ARMC2: variants seen among roughly 807,000 people sequenced by gnomAD.
The protein encoded by ARMC2 is armadillo repeat containing 2, also known as armadillo repeat-containing protein 2.
Under a neutral mutation model 90.3 loss-of-function variants are expected in ARMC2, and 67 were observed. That is an observed-to-expected ratio of 0.74 (90% confidence interval 0.61 to 0.91). The LOEUF (loss-of-function observed/expected upper bound fraction) is 0.91, where lower values mean the gene tolerates loss of function less well. Ranked by LOEUF, ARMC2 falls within the 40% of genes least tolerant of loss-of-function variation. The pLI is 0.00. For synonymous variants in ARMC2, 393 were observed against 393.0 expected, an observed-to-expected ratio of 1.00 and a Z score of 0.00; for missense variants, 920 against 1,030.9, an observed-to-expected ratio of 0.89 and a Z score of 1.47.
the ARMC2 span, chr6:108,998,456 T>C: frequency 6.3e-7 from 1 of 1,594,916 alleles, no homozygotes; most frequent in South Asian, 1.1e-5. Context: ...GAAGAAATAA[T>C]ATAACAGCAA....
chr6:108,932,422 A>G (rs772034387), intron 11 of ARMC2, among the ~76,000 whole-genome samples: 9 of 148,866 alleles, frequency 6.0e-5, no homozygotes, highest in Non-Finnish European at 1.3e-4. Context: ...ATTTTTGTAT[A>G]TAGTGAAAGG....
intron 13 of ARMC2, among the ~76,000 whole-genome samples, chr6:108,958,125 A>G (rs2128508700): frequency 6.6e-6 from 1 of 152,244 alleles, no homozygotes; most frequent in Middle Eastern, 3.4e-3. Context: ...GGAGATAATT[A>G]GGTTTAGATA....
the ARMC2 span, chr6:109,009,576 A>G: frequency 4.6e-6 from 5 of 1,094,910 alleles, no homozygotes; most frequent in Middle Eastern, 4.0e-4. Flanking sequence ...GGCGGCGCCG[A>G]CAAACAAGCC....
the ARMC2 span, among the ~76,000 whole-genome samples, chr6:109,045,880 T>C: frequency 1.3e-5 from 2 of 152,198 alleles, no homozygotes; most frequent in African/African-American, 4.8e-5. Context: ...TACATGTTTC[T>C]GAAATAAATA....
chr6:108,884,558 G>A (rs529019582), intron 5 of ARMC2, among the ~76,000 whole-genome samples: 246 of 152,308 alleles, frequency 1.6e-3, no homozygotes, highest in Admixed American at 3.9e-3. Context: ...TTTCGTGAGG[G>A]ATGGAGCACT....
chr6:108,961,538 G>A (rs1334319094), intron 13 of ARMC2, 34 bp from the exon 14 acceptor site: 21 of 1,558,758 alleles, frequency 1.3e-5, no homozygotes, highest in Non-Finnish European at 1.7e-5. Context: ...TCCTGCAGTG[G>A]GTCTTTGACT....
At chr6:108,988,370 C>T in the ARMC2 span, 1 of 522,250 alleles carries the variant, frequency 1.9e-6, no homozygotes, top group Admixed American at 3.9e-5. Context: ...TTCTTTTACT[C>T]TATCAACATA....
chr6:108,939,812 C>A (rs1476722340), intron 12 of ARMC2, among the ~76,000 whole-genome samples: 1 of 152,236 alleles, frequency 6.6e-6, no homozygotes, highest in Non-Finnish European at 1.5e-5. Context: ...ACTTTCATCA[C>A]TAAACTTAAT....
intron 1 of ARMC2, among the ~76,000 whole-genome samples, chr6:108,853,536 A>C (rs1774215285): frequency 6.6e-6 from 1 of 152,156 alleles, no homozygotes; most frequent in Admixed American, 6.5e-5. Flanking sequence ...ACATTTTAAA[A>C]ATCTGTCCTA....
At chr6:108,994,624 C>G in the ARMC2 span, 1 of 1,498,038 alleles carries the variant, frequency 6.7e-7, no homozygotes, top group Non-Finnish European at 9.0e-7. Context: ...AGAAAAAATA[C>G]AATTAATGTT....
chr6:109,048,107 A>T, the ARMC2 span, among the ~76,000 whole-genome samples: 1 of 121,694 alleles, frequency 8.2e-6, no homozygotes, highest in African/African-American at 2.7e-5. Context: ...AATAAATTAA[A>T]AAAAAAAAAA....
At chr6:108,905,930 A>G (rs937820322) in intron 8 of ARMC2, among the ~76,000 whole-genome samples, 5 of 152,222 alleles carry the variant, frequency 3.3e-5, no homozygotes, top group African/African-American at 1.2e-4. Flanking sequence ...ATCTCCTGTA[A>G]CATTCCAGAC....
intron 17 of ARMC2, among the ~76,000 whole-genome samples, chr6:108,966,661 G>A (rs1778397073): frequency 6.6e-6 from 1 of 151,898 alleles, no homozygotes; most frequent in African/African-American, 2.4e-5. Flanking sequence ...TTCACAGTCG[G>A]CTCCATGAGC....
chr6:108,875,856 G>C (rs966933005), intron 4 of ARMC2, among the ~76,000 whole-genome samples: 1 of 152,124 alleles, frequency 6.6e-6, no homozygotes, highest in Admixed American at 6.5e-5. Flanking sequence ...TACTTATGTG[G>C]ACTAGGTAGT....
the ARMC2 span, chr6:109,009,558 G>GGGGCGGGGCGGCGC: frequency 8.9e-7 from 1 of 1,126,566 alleles, no homozygotes; most frequent in Non-Finnish European, 1.1e-6. Flanking sequence ...CGGACGGCGG[G>GGGGCGGGGCGGCGC]GGGGCGGGGC....
the ARMC2 span, among the ~76,000 whole-genome samples, chr6:108,981,685 G>A: frequency 6.6e-6 from 1 of 150,968 alleles, no homozygotes; most frequent in African/African-American, 2.4e-5. Flanking sequence ...CCCTGAGACA[G>A]AGTCTTAGAA....
chr6:108,866,174 A>G (rs1337513029), intron 3 of ARMC2, among the ~76,000 whole-genome samples: 1 of 152,216 alleles, frequency 6.6e-6, no homozygotes, highest in African/African-American at 2.4e-5. Context: ...TTGAGTTAAG[A>G]AAACCACACG....
At chr6:108,924,109 G>A (rs186504244) in intron 10 of ARMC2, 1 of 152,466 alleles carries the variant, frequency 6.6e-6, no homozygotes, top group Non-Finnish European at 1.5e-5. Context: ...TCTGTGATGG[G>A]GGTTGTAGAG....
At position 108,893,439 on chromosome 6, in the gene ARMC2, G is replaced by GAC. The variant is rs540577833; in HGVS notation, c.672-1026_672-1025dup. ...ACCTTGGGCACATCTGGCCAGCTGGGACAGTTTCTTTATCTGCAGGGATCG... is the reference window on the plus strand; with the variant it reads ...ACCTTGGGCACATCTGGCCAGCTGGGACACAGTTTCTTTATCTGCAGGGATCG... On this transcript the variant is annotated intron_variant, in intron 5 of 17. Coordinates refer to ENST00000392644, the MANE Select transcript of ARMC2 (RefSeq NM_032131.6). 4.2e-3 allele frequency among the ~76,000 whole-genome samples: 639 copies of GAC among 152,270 alleles called. 3 individuals carry two copies. The highest frequency in any genetic ancestry group is 0.014 in the African/African-American group (599 of 41,558).
Sources: gnomAD v4.1 joint callset for allele counts (sites outside exome capture counted in the v4.1 genomes callset) on GRCh38, gnomAD v4.1.1 for gene constraint, MANE v1.5 for transcripts, NCBI Gene and HGNC (gene_info 2026-07-23, HGNC 2026-07-21) for gene names.